Variants in WAC observed in about 807,000 individuals in gnomAD.
The protein encoded by WAC is WW domain containing adaptor with coiled-coil, also known as WW domain-containing adapter protein with coiled-coil.
A neutral mutation model predicts 79.6 loss-of-function variants in WAC; 11 were observed. The observed-to-expected ratio is 0.14, with a 90% CI of 0.09 to 0.23. WAC has a LOEUF of 0.23. Ranked by LOEUF, WAC falls within the 10% of genes least tolerant of loss-of-function variation. The pLI is 1.00. For missense variants in WAC, 728 were observed against 773.5 expected (o/e 0.94, Z 0.70); for synonymous variants, 304 against 276.9 (o/e 1.10, Z -0.97).
chr10:28,606,996 A>C (rs537866991), intron 7 of WAC, among the ~76,000 whole-genome samples: 1 of 152,210 alleles, frequency 6.6e-6, no homozygotes, highest in Non-Finnish European at 1.5e-5. Flanking sequence ...ATGTTGCTTT[A>C]TTTTACATTG....
intron 3 of WAC, among the ~76,000 whole-genome samples, chr10:28,562,498 A>G (rs1838357871): frequency 6.6e-6 from 1 of 152,208 alleles, no homozygotes; most frequent in Non-Finnish European, 1.5e-5. Flanking sequence ...CTGGTATTTT[A>G]CAACATGATT....
intron 3 of WAC, among the ~76,000 whole-genome samples, chr10:28,570,878 G>GA (rs1051441518): frequency 6.7e-6 from 1 of 150,278 alleles, no homozygotes; most frequent in Non-Finnish European, 1.5e-5. Flanking sequence ...AATAGTTGGG[G>GA]AAAAAATTAG....
intron 4 of WAC, chr10:28,588,767 T>TG (rs1351532338): frequency 6.6e-6 from 1 of 152,204 alleles, no homozygotes; most frequent in African/African-American, 2.4e-5. Context: ...TACATATTTA[T>TG]GGGGTACATA....
At chr10:28,567,028 A>T (rs1838666664) in intron 3 of WAC, among the ~76,000 whole-genome samples, 1 of 147,996 alleles carries the variant, frequency 6.8e-6, no homozygotes, top group African/African-American at 2.5e-5. Context: ...ATCTCTAAGT[A>T]CTTTACATTT....
At chr10:28,581,235 A>ATTTTTT (rs1839515843) in intron 3 of WAC, among the ~76,000 whole-genome samples, 1 of 105,110 alleles carries the variant, frequency 9.5e-6, no homozygotes, top group Non-Finnish European at 1.9e-5. Context: ...ACAATGAGCG[A>ATTTTTT]TTCTTTTTTT....
At chr10:28,555,754 A>C (rs1837945543) in intron 3 of WAC, among the ~76,000 whole-genome samples, 1 of 152,194 alleles carries the variant, frequency 6.6e-6, no homozygotes, top group African/African-American at 2.4e-5. Flanking sequence ...ATAAGTCACC[A>C]GTGTAGGGCC....
intron 3 of WAC, among the ~76,000 whole-genome samples, chr10:28,539,136 G>A (rs1000749029): frequency 9.9e-5 from 15 of 152,012 alleles, no homozygotes; most frequent in African/African-American, 2.7e-4. Context: ...GAACTTGTGC[G>A]TTTGTTTACC....
At chr10:28,606,383 T>A (rs1456484845) in intron 7 of WAC, among the ~76,000 whole-genome samples, 2 of 152,224 alleles carry the variant, frequency 1.3e-5, no homozygotes, top group Non-Finnish European at 2.9e-5. Context: ...TATTTGAGTT[T>A]CTTTATGCTT....
chr10:28,545,405 G>A (rs1333587153), intron 3 of WAC, among the ~76,000 whole-genome samples: 3 of 152,150 alleles, frequency 2.0e-5, no homozygotes, highest in Non-Finnish European at 4.4e-5. Flanking sequence ...GCTTGAACCC[G>A]TGAGGCAGAG....
chr10:28,572,729 T>G (rs902513045), intron 3 of WAC, among the ~76,000 whole-genome samples: 40 of 152,226 alleles, frequency 2.6e-4, no homozygotes, highest in African/African-American at 9.4e-4. Flanking sequence ...GAGAATTGCT[T>G]GAACCCGGGA....
At chr10:28,548,166 A>G (rs1053204798) in intron 3 of WAC, among the ~76,000 whole-genome samples, 1 of 151,760 alleles carries the variant, frequency 6.6e-6, no homozygotes, top group East Asian at 1.9e-4. Flanking sequence ...CAGGTGATCC[A>G]CCTGCCTCTG....
chr10:28,587,828 G>A (rs1564403052), intron 4 of WAC, among the ~76,000 whole-genome samples: 1 of 152,140 alleles, frequency 6.6e-6, no homozygotes, highest in Non-Finnish European at 1.5e-5. Flanking sequence ...CAAAATCAAT[G>A]TAGTGTGGTA....
chr10:28,536,822 ATATTCTCTCC>A (rs1176063078), intron 3 of WAC, among the ~76,000 whole-genome samples: 1 of 152,208 alleles, frequency 6.6e-6, no homozygotes, highest in Non-Finnish European at 1.5e-5. Flanking sequence ...AAAGACACCT[ATATTCTCTCC>A]TACATGTTGC....
intron 12 of WAC, among the ~76,000 whole-genome samples, chr10:28,616,622 A>G (rs770378584): frequency 3.3e-5 from 5 of 152,314 alleles, no homozygotes; most frequent in South Asian, 4.1e-4. Context: ...TATTTTCTCT[A>G]CTTCTTAAAA....
intron 6 of WAC, chr10:28,591,498 T>G (rs1283318340): frequency 6.6e-6 from 1 of 152,246 alleles, no homozygotes; most frequent in Non-Finnish European, 1.5e-5. Context: ...ACATTTATTT[T>G]GTAATTCATT....
rs112475517 is a variant in WAC at position 28,585,544 on chromosome 10, C to CT, written c.381+2053dup. On this transcript the variant is annotated intron_variant, in intron 4 of 13. Coordinates refer to ENST00000354911, the MANE Select transcript of WAC (RefSeq NM_016628.5). ...TGATGGGTCATTTTCTTTTTCCTTT[C>CT]TTTTTTTTTTTTTTCCAAGTAGGGA... 2.7e-3 allele frequency among the ~76,000 whole-genome samples: 383 copies of CT among 141,202 alleles called. 1 individual carries two copies. Among genetic ancestry groups the CT allele is most frequent in the Middle Eastern group, 0.011 (3 of 272 alleles). 92.6% of individuals were successfully genotyped at this position (141,202 alleles called of 152,430 possible). A position where few individuals can be genotyped will look rare whatever the true frequency, so the allele number is the denominator to read the frequency against.
intron 2 of WAC, 76 bp from the exon 3 acceptor site, chr10:28,535,486 C>G: frequency 7.0e-7 from 1 of 1,429,924 alleles, no homozygotes; most frequent in Non-Finnish European, 9.3e-7. Flanking sequence ...GATAATACAC[C>G]AAAGTTTATG....
At chr10:28,601,676 G>C (rs1840656454) in intron 7 of WAC, among the ~76,000 whole-genome samples, 1 of 152,100 alleles carries the variant, frequency 6.6e-6, no homozygotes, top group Non-Finnish European at 1.5e-5. Context: ...CAGATGAAAG[G>C]ATACGACGTG....
At chr10:28,600,700 T>G (rs1840599353) in intron 7 of WAC, among the ~76,000 whole-genome samples, 1 of 152,100 alleles carries the variant, frequency 6.6e-6, no homozygotes, top group Non-Finnish European at 1.5e-5. Context: ...GGATTTGTCT[T>G]TTTAAAAATT....
Sources: allele counts gnomAD v4.1 joint callset (sites outside exome capture counted in the v4.1 genomes callset), GRCh38; gene constraint gnomAD v4.1.1; transcripts MANE v1.5; gene names NCBI Gene and HGNC (gene_info 2026-07-23, HGNC 2026-07-21).